Variants in FHIT observed in about 807,000 individuals in gnomAD.
FHIT encodes the protein fragile histidine triad diadenosine triphosphatase, also known as bis(5'-adenosyl)-triphosphatase.
Under a neutral mutation model 17.9 loss-of-function variants are expected in FHIT, and 19 were observed. The ratio of observed to expected loss-of-function variants is 1.06; its 90% CI spans 0.74 to 1.56. The LOEUF (loss-of-function observed/expected upper bound fraction) is 1.56. Among genes scored for constraint, FHIT ranks in the 40% most tolerant of loss-of-function variants. The pLI is 0.00. For missense variants in FHIT, 248 were observed against 189.2 expected (o/e 1.31, Z -1.82); for synonymous variants, 81 against 69.7 (o/e 1.16, Z -0.81).
At chr3:60,037,484 G>C (rs1018333174) in intron 5 of FHIT, among the ~76,000 whole-genome samples, 5 of 151,030 alleles carry the variant, frequency 3.3e-5, no homozygotes, top group African/African-American at 1.2e-4. Context: ...CCAGGTTCAA[G>C]CAATTCTCAT....
chr3:59,989,673 A>G (rs1339962999), intron 7 of FHIT, among the ~76,000 whole-genome samples: 1 of 152,094 alleles, frequency 6.6e-6, no homozygotes, highest in Non-Finnish European at 1.5e-5. Flanking sequence ...CAAGAAGAAC[A>G]TCTGCATTGA....
intron 5 of FHIT, among the ~76,000 whole-genome samples, chr3:60,075,491 G>C (rs893237840): frequency 6.6e-6 from 1 of 152,028 alleles, no homozygotes; most frequent in South Asian, 2.1e-4. Flanking sequence ...CATATTATTC[G>C]AGTGTTTGTT....
intron 5 of FHIT, among the ~76,000 whole-genome samples, chr3:60,248,593 T>C (rs1705524114): frequency 6.6e-6 from 1 of 152,148 alleles, no homozygotes; most frequent in African/African-American, 2.4e-5. Context: ...GAAGAAACTC[T>C]GAGAAATTTG....
intron 2 of FHIT, among the ~76,000 whole-genome samples, chr3:61,121,060 G>A (rs1266956913): frequency 6.6e-6 from 1 of 151,768 alleles, no homozygotes; most frequent in Admixed American, 6.6e-5. Flanking sequence ...GAATGAAAAG[G>A]GAGGAACAAA....
intron 3 of FHIT, among the ~76,000 whole-genome samples, chr3:60,873,413 G>C (rs79417048): frequency 6.6e-6 from 1 of 152,178 alleles, no homozygotes; most frequent in East Asian, 1.9e-4. Context: ...AGCACTCAGC[G>C]CCGTCCCAGG....
At chr3:60,530,546 G>C (rs1361246074) in intron 5 of FHIT, among the ~76,000 whole-genome samples, 1 of 152,128 alleles carries the variant, frequency 6.6e-6, no homozygotes, top group Non-Finnish European at 1.5e-5. Flanking sequence ...ACTTGGGAGA[G>C]GAAGAGACTA....
intron 5 of FHIT, among the ~76,000 whole-genome samples, chr3:60,375,588 A>G (rs189324508): frequency 1.7e-4 from 26 of 152,228 alleles, no homozygotes; most frequent in African/African-American, 5.5e-4. Flanking sequence ...CAAAAAATAT[A>G]TATTGAAAGT....
intron 5 of FHIT, among the ~76,000 whole-genome samples, chr3:60,173,556 AG>A (rs1353543931): frequency 6.6e-6 from 1 of 152,100 alleles, no homozygotes; most frequent in Non-Finnish European, 1.5e-5. Context: ...CCTTAAATCC[AG>A]GACACAGGAT....
chr3:60,667,871 T>C (rs1166538297), intron 4 of FHIT, among the ~76,000 whole-genome samples: 1 of 152,022 alleles, frequency 6.6e-6, no homozygotes, highest in East Asian at 1.9e-4. Context: ...TTAATCTGGT[T>C]GCAAGAGGCC....
At chr3:60,125,960 T>TCC (rs1705528879) in intron 5 of FHIT, among the ~76,000 whole-genome samples, 1 of 152,192 alleles carries the variant, frequency 6.6e-6, no homozygotes, top group African/African-American at 2.4e-5. Context: ...AATCTCTTCC[T>TCC]CCCCTTCTTT....
At chr3:60,324,114 A>T (rs1709562750) in intron 5 of FHIT, among the ~76,000 whole-genome samples, 1 of 152,186 alleles carries the variant, frequency 6.6e-6, no homozygotes, top group Non-Finnish European at 1.5e-5. Flanking sequence ...AGGCATTCAA[A>T]TACAAGTAAA....
At chr3:59,934,988 C>A (rs1288029455) in intron 7 of FHIT, among the ~76,000 whole-genome samples, 1 of 152,118 alleles carries the variant, frequency 6.6e-6, no homozygotes, top group Non-Finnish European at 1.5e-5. Context: ...ACCTAACCAA[C>A]AGCTATAAAA....
chr3:60,095,176 G>C (rs532639499), intron 5 of FHIT, among the ~76,000 whole-genome samples: 4 of 152,230 alleles, frequency 2.6e-5, no homozygotes, highest in Admixed American at 2.6e-4. Flanking sequence ...TGATAGCCAA[G>C]AGGCACAACG....
chr3:61,177,527 C>T (rs960644646), intron 2 of FHIT, among the ~76,000 whole-genome samples: 1 of 151,956 alleles, frequency 6.6e-6, no homozygotes, highest in African/African-American at 2.4e-5. Flanking sequence ...TTTTCCAATA[C>T]CAAAATATAA....
chr3:59,871,626 C>G (rs527751619), intron 8 of FHIT, among the ~76,000 whole-genome samples: 2 of 152,134 alleles, frequency 1.3e-5, no homozygotes, highest in Non-Finnish European at 2.9e-5. Flanking sequence ...CTGATAATGA[C>G]AGCCAGCCAG....
At chr3:61,153,200 T>C (rs961930205) in intron 2 of FHIT, among the ~76,000 whole-genome samples, 2 of 146,676 alleles carry the variant, frequency 1.4e-5, no homozygotes, top group Non-Finnish European at 3.0e-5. Context: ...GCAGCAGAGA[T>C]GAAGAAAGGA....
At chr3:59,877,376 G>C (rs1245326927) in intron 8 of FHIT, among the ~76,000 whole-genome samples, 1 of 152,110 alleles carries the variant, frequency 6.6e-6, no homozygotes, top group Non-Finnish European at 1.5e-5. Flanking sequence ...GGAAAACTGA[G>C]TGGGTGCTGA....
intron 5 of FHIT, among the ~76,000 whole-genome samples, chr3:60,409,431 G>A (rs1701987337): frequency 6.6e-6 from 1 of 152,208 alleles, no homozygotes; most frequent in South Asian, 2.1e-4. Flanking sequence ...GTTTACCAGA[G>A]CTGGCAATGA....
intron 4 of FHIT, among the ~76,000 whole-genome samples, chr3:60,816,690 G>A (rs1223595563): frequency 4.6e-5 from 2 of 43,284 alleles, no homozygotes; most frequent in African/African-American, 9.1e-5. Flanking sequence ...TTGGCCTGTT[G>A]ATTTCTTTTT....
Sources: gnomAD v4.1 joint callset for allele counts (sites outside exome capture counted in the v4.1 genomes callset) on GRCh38, gnomAD v4.1.1 for gene constraint, MANE v1.5 for transcripts, NCBI Gene and HGNC (gene_info 2026-07-23, HGNC 2026-07-21) for gene names.